Variants in PRKCE observed in about 807,000 individuals in gnomAD.
PRKCE encodes protein kinase C epsilon.
Under a neutral mutation model 85.4 loss-of-function variants are expected in PRKCE, and 16 were observed. That is an observed-to-expected ratio of 0.19 (90% CI 0.13 to 0.28). The LOEUF is 0.28. PRKCE is among the 10% of genes least tolerant of loss of function. The probability of loss-of-function intolerance (pLI) is 1.00; values close to 1 mark genes in which losing one functional copy is unlikely to be tolerated. For missense variants in PRKCE, 573 were observed against 975.2 expected (o/e 0.59, Z 5.49); for synonymous variants, 388 against 371.5 (o/e 1.04, Z -0.51).
chr2:45,834,968 T>C (rs948754904), intron 1 of PRKCE, among the ~76,000 whole-genome samples: 1 of 152,206 alleles, frequency 6.6e-6, no homozygotes, highest in Admixed American at 6.5e-5. Context: ...ATTTTGGATG[T>C]GTTTATCTTG....
rs369105043 is a variant in PRKCE, at chr2:46,036,528, T to C, written c.1437+26011T>C. ...TCACTAGAGCCCAGGAGGTGGGGAC[T>C]GCAGTGAGCCATGATCGCGCCACTG... On this transcript the variant is annotated intron_variant, in intron 10 of 14. Coordinates refer to ENST00000306156, the MANE Select transcript of PRKCE (RefSeq NM_005400.3). 3.4e-4 allele frequency among the ~76,000 whole-genome samples: 52 copies of C among 152,286 alleles called. No homozygotes were observed. In the East Asian group the frequency reaches 5.6e-3, roughly 16 times the overall value.
intron 13 of PRKCE, among the ~76,000 whole-genome samples, chr2:46,153,681 C>T (rs537022789): frequency 2.6e-5 from 4 of 151,910 alleles, no homozygotes; most frequent in African/African-American, 4.8e-5. Context: ...AGAGTGGGCA[C>T]GAGGAGGGTG....
chr2:45,955,667 C>T (rs181272945), intron 2 of PRKCE, among the ~76,000 whole-genome samples: 5 of 152,214 alleles, frequency 3.3e-5, no homozygotes, highest in African/African-American at 1.2e-4. Flanking sequence ...AACAAACCCC[C>T]ACATGGATAA....
chr2:45,897,031 G>C (rs1200038412), intron 2 of PRKCE, among the ~76,000 whole-genome samples: 1 of 152,132 alleles, frequency 6.6e-6, no homozygotes, highest in African/African-American at 2.4e-5. Context: ...TGAGCCGTGA[G>C]TGTGCCACCA....
At chr2:45,916,702 C>A (rs1220083054) in intron 2 of PRKCE, among the ~76,000 whole-genome samples, 1 of 152,154 alleles carries the variant, frequency 6.6e-6, no homozygotes, top group East Asian at 1.9e-4. Context: ...ACAGTCTAAA[C>A]ACAATAAAGC....
chr2:45,661,793 C>A (rs1490303717), intron 1 of PRKCE, among the ~76,000 whole-genome samples: 1 of 151,784 alleles, frequency 6.6e-6, no homozygotes, highest in East Asian at 1.9e-4. Context: ...CCCGCCTTGG[C>A]CTCCCAAAGT....
At chr2:45,962,908 A>C (rs779452892) in intron 2 of PRKCE, among the ~76,000 whole-genome samples, 2 of 151,942 alleles carry the variant, frequency 1.3e-5, no homozygotes, top group Non-Finnish European at 2.9e-5. Flanking sequence ...CCCTCTCTCC[A>C]TGTGCAGAGT....
At chr2:45,898,269 G>A (rs894047466) in intron 2 of PRKCE, among the ~76,000 whole-genome samples, 11 of 152,200 alleles carry the variant, frequency 7.2e-5, no homozygotes, top group African/African-American at 2.4e-4. Context: ...CCTCTGAAGG[G>A]AGGAGTAAGA....
At chr2:46,132,445 C>T (rs1183335750) in intron 11 of PRKCE, among the ~76,000 whole-genome samples, 2 of 152,196 alleles carry the variant, frequency 1.3e-5, no homozygotes, top group African/African-American at 2.4e-5. Context: ...AAAGCCTGGG[C>T]CTTCCTGGTA....
chr2:46,006,746 C>T (rs79213696), intron 8 of PRKCE, among the ~76,000 whole-genome samples: 6,677 of 152,288 alleles, frequency 0.044, 209 homozygotes, highest in East Asian at 0.13. Context: ...TAATTCAGGT[C>T]ATAAGCTCTA....
intron 1 of PRKCE, among the ~76,000 whole-genome samples, chr2:45,752,550 C>G (rs1683663466): frequency 6.6e-6 from 1 of 152,004 alleles, no homozygotes; most frequent in African/African-American, 2.4e-5. Context: ...ATCACTTCAC[C>G]TCTCTGAGCC....
chr2:45,818,624 A>C (rs537896949), intron 1 of PRKCE, among the ~76,000 whole-genome samples: 8 of 152,290 alleles, frequency 5.3e-5, no homozygotes, highest in Admixed American at 2.0e-4. Flanking sequence ...TCTCCTTCCT[A>C]GGCCAGCCCT....
chr2:46,042,877 C>T (rs1019091066), intron 10 of PRKCE, among the ~76,000 whole-genome samples: 1 of 152,202 alleles, frequency 6.6e-6, no homozygotes, highest in Non-Finnish European at 1.5e-5. Context: ...TTGATTGCCA[C>T]GCAATGTTCT....
At chr2:45,775,287 C>T (rs898390771) in intron 1 of PRKCE, among the ~76,000 whole-genome samples, 5 of 152,138 alleles carry the variant, frequency 3.3e-5, no homozygotes, top group Non-Finnish European at 7.3e-5. Context: ...CTTCCTGCTC[C>T]GTGAGTGTGC....
In PRKCE at chr2:45,889,802, T is replaced by C. The variant is rs561828401; in HGVS notation, c.412+46739T>C. Among the ~76,000 whole-genome samples, 10 of 152,348 alleles carry C rather than the reference T, an allele frequency of 6.6e-5. No homozygotes were observed. In the East Asian group the frequency reaches 1.3e-3, roughly 21 times the overall value. ...TTGATATTCTGGGACTGATACCAGC[T>C]TCATATGTACACAAAGGTCACGCAC... On this transcript the variant is annotated intron_variant, in intron 2 of 14. Transcript: ENST00000306156.
intron 11 of PRKCE, among the ~76,000 whole-genome samples, chr2:46,142,168 C>T (rs933422545): frequency 3.9e-5 from 6 of 152,270 alleles, no homozygotes; most frequent in Admixed American, 3.9e-4. Flanking sequence ...CCACTGCATC[C>T]TGCCCCTACA....
intron 2 of PRKCE, among the ~76,000 whole-genome samples, chr2:45,890,835 G>T (rs1286662856): frequency 6.6e-6 from 1 of 152,186 alleles, no homozygotes; most frequent in Non-Finnish European, 1.5e-5. Flanking sequence ...ATGGGTTAAG[G>T]TCAGATTTTG....
chr2:45,953,200 T>C (rs1700741039), intron 2 of PRKCE, among the ~76,000 whole-genome samples: 1 of 152,186 alleles, frequency 6.6e-6, no homozygotes, highest in African/African-American at 2.4e-5. Flanking sequence ...GTACTTTTGA[T>C]GGAACATACC....
intron 1 of PRKCE, among the ~76,000 whole-genome samples, chr2:45,691,432 A>G (rs939241240): frequency 2.0e-5 from 3 of 152,188 alleles, no homozygotes; most frequent in African/African-American, 4.8e-5. Context: ...CCCTCTGTCC[A>G]TCAAAGGTTT....
Sources: allele counts gnomAD v4.1 joint callset (sites outside exome capture counted in the v4.1 genomes callset), GRCh38; gene constraint gnomAD v4.1.1; transcripts MANE v1.5; gene names NCBI Gene and HGNC (gene_info 2026-07-23, HGNC 2026-07-21).